PCCA: variants seen among roughly 807,000 people sequenced by gnomAD.
PCCA encodes the protein propionyl-CoA carboxylase subunit alpha.
A neutral mutation model predicts 101.3 loss-of-function variants in PCCA; 74 were observed. That is an observed-to-expected ratio of 0.73 (90% CI 0.61 to 0.89). The LOEUF is 0.89. Ranked by LOEUF, PCCA falls within the 40% of genes least tolerant of loss-of-function variation. PCCA has a pLI of 0.00. For missense variants in PCCA, 891 were observed against 907.0 expected, an observed-to-expected ratio of 0.98 and a Z score of 0.23; for synonymous variants, 294 against 313.6, an observed-to-expected ratio of 0.94 and a Z score of 0.66.
At chr13:100,243,800 A>G (rs1268570635) in intron 8 of PCCA, among the ~76,000 whole-genome samples, 1 of 152,162 alleles carries the variant, frequency 6.6e-6, no homozygotes, top group East Asian at 1.9e-4. Flanking sequence ...TGTGGGGGCT[A>G]TATGGTAGTC....
At chr13:100,316,658 G>C (rs531981286) in intron 16 of PCCA, among the ~76,000 whole-genome samples, 162 of 152,156 alleles carry the variant, frequency 1.1e-3, no homozygotes, top group African/African-American at 3.4e-3. Context: ...ACAGAGTTTG[G>C]TTCCACCTAT....
At chr13:100,433,810 G>A (rs1006102206) in intron 20 of PCCA, among the ~76,000 whole-genome samples, 3 of 152,176 alleles carry the variant, frequency 2.0e-5, no homozygotes, top group Admixed American at 6.5e-5. Context: ...TCATAAGGGT[G>A]TCCATGGCAG....
At chr13:100,158,468 A>G (rs1239199239) in intron 6 of PCCA, among the ~76,000 whole-genome samples, 3 of 152,188 alleles carry the variant, frequency 2.0e-5, no homozygotes, top group African/African-American at 7.2e-5. Flanking sequence ...AGGCCTAAAG[A>G]GATATCCTGA....
At chr13:100,203,862 G>T (rs555538980) in intron 6 of PCCA, among the ~76,000 whole-genome samples, 22 of 152,216 alleles carry the variant, frequency 1.4e-4, no homozygotes, top group South Asian at 4.2e-4. Flanking sequence ...TTTATTCTGA[G>T]GTCTTGAAAA....
chr13:100,422,757 G>C (rs2078911316), intron 19 of PCCA, among the ~76,000 whole-genome samples: 1 of 151,842 alleles, frequency 6.6e-6, no homozygotes, highest in Non-Finnish European at 1.5e-5. Context: ...TCTCAATAAT[G>C]TTATTTTTCT....
intron 4 of PCCA, chr13:100,149,062 G>C (rs1206033453): frequency 6.7e-6 from 1 of 150,196 alleles, no homozygotes; most frequent in Non-Finnish European, 1.5e-5. Context: ...CAGAATGTTA[G>C]TTTTTTAAAA....
At chr13:100,431,232 C>G (rs970725540) in intron 20 of PCCA, among the ~76,000 whole-genome samples, 1 of 152,122 alleles carries the variant, frequency 6.6e-6, no homozygotes, top group Non-Finnish European at 1.5e-5. Flanking sequence ...TATTGGCTCT[C>G]TTGTTTTCTC....
chr13:100,288,761 T>C (rs2064895888), intron 12 of PCCA, among the ~76,000 whole-genome samples: 1 of 152,208 alleles, frequency 6.6e-6, no homozygotes, highest in African/African-American at 2.4e-5. Context: ...GTTTGGTTCT[T>C]TCTGTCTCTC....
chr13:100,460,055 C>T (rs1307678037), intron 21 of PCCA, among the ~76,000 whole-genome samples: 1 of 152,176 alleles, frequency 6.6e-6, no homozygotes, highest in East Asian at 1.9e-4. Flanking sequence ...ACGTTCAGTC[C>T]CTAACATACA....
Position 100,394,148 on chromosome 13 carries a change from G to A in PCCA, c.1746+25574G>A, listed in dbSNP as rs111648719. ...AATGTGTGAGGCGGTTTGAGATGCA[G>A]CTTCTCAGATGGATTTAATTAGTCC... On this transcript the variant is annotated intron_variant, in intron 19 of 23. Transcript: ENST00000376285. This position sits in a 1 kb window ranked among gnomAD's most constrained non-coding sequence, Gnocchi z 4.3. Among the ~76,000 whole-genome samples, 676 of 152,314 alleles carry A rather than the reference G, an allele frequency of 4.4e-3. 7 individuals are homozygous for A. Among genetic ancestry groups the A allele is most frequent in the African/African-American group, 0.015 (634 of 41,568 alleles).
chr13:100,123,570 A>G (rs2049646322), intron 4 of PCCA, among the ~76,000 whole-genome samples: 1 of 152,094 alleles, frequency 6.6e-6, no homozygotes, highest in Non-Finnish European at 1.5e-5. Context: ...GTATAGGGAA[A>G]CCGATTTTTA....
chr13:100,226,451 C>A lies in PCCA; in HGVS notation c.601-9391C>A, dbSNP rs866182184. 1.3e-5 allele frequency among the ~76,000 whole-genome samples: 2 copies of A among 152,134 alleles called. 1 individual carries two copies. Among genetic ancestry groups the A allele is most frequent in the South Asian group, 4.1e-4 (2 of 4,830 alleles). On this transcript the variant is annotated intron_variant, in intron 7 of 23. Coordinates refer to ENST00000376285, the MANE Select transcript of PCCA (RefSeq NM_000282.4). Reference sequence around the variant, plus strand: ...TAGCAAGTGAGAAGGATGTCTGAATCATGAATGGTGGTCGGCGTTGACACT... The same window carrying A: ...TAGCAAGTGAGAAGGATGTCTGAATAATGAATGGTGGTCGGCGTTGACACT...
intron 18 of PCCA, among the ~76,000 whole-genome samples, chr13:100,367,428 A>C (rs1481493966): frequency 5.3e-5 from 8 of 151,922 alleles, no homozygotes. Context: ...GTGCCCCACA[A>C]TTTAGAGCCA....
chr13:100,220,620 A>C (rs1359963271), intron 7 of PCCA, among the ~76,000 whole-genome samples: 1 of 152,050 alleles, frequency 6.6e-6, no homozygotes, highest in East Asian at 1.9e-4. Flanking sequence ...TTGGGGTCTG[A>C]AGTCACTCTC....
intron 19 of PCCA, among the ~76,000 whole-genome samples, chr13:100,420,593 A>G (rs2078679992): frequency 6.6e-6 from 1 of 152,146 alleles, no homozygotes; most frequent in South Asian, 2.1e-4. Flanking sequence ...AAACAAAGAC[A>G]TTAACCATCT....
At position 100,384,509 on chromosome 13, in the gene PCCA, C is replaced by T. The variant is rs545119802; in HGVS notation, c.1746+15935C>T. Among the ~76,000 whole-genome samples the T allele has an allele frequency of 5.3e-5, 8 of 152,204 alleles. No individual in the cohort carries two copies. The South Asian group carries it at 1.7e-3, about 32-fold the overall frequency. The stretch of plus-strand genomic sequence containing the variant: ...ATTAAGAATTTATACATGCATTTTA[C>T]ATCATAATCTCTTTTATTCTATGAA... On this transcript the variant is annotated intron_variant, in intron 19 of 23. Coordinates refer to ENST00000376285, the MANE Select transcript of PCCA (RefSeq NM_000282.4).
intron 21 of PCCA, chr13:100,473,114 T>G (rs1191621978): frequency 6.6e-6 from 1 of 152,180 alleles, no homozygotes; most frequent in African/African-American, 2.4e-5. Context: ...TTAGTCACCT[T>G]AATTTCAAAC....
At chr13:100,327,567 T>G (rs2068834093) in intron 16 of PCCA, among the ~76,000 whole-genome samples, 2 of 152,254 alleles carry the variant, frequency 1.3e-5, no homozygotes, top group Admixed American at 6.5e-5. Flanking sequence ...ACATATGTTT[T>G]TATTTAACTT....
At chr13:100,389,471 C>T (rs1245594945) in intron 19 of PCCA, among the ~76,000 whole-genome samples, 8 of 152,162 alleles carry the variant, frequency 5.3e-5, no homozygotes, top group Admixed American at 2.6e-4. Flanking sequence ...GAACAACACA[C>T]TGGCGCCTAC....
Sources: allele counts gnomAD v4.1 joint callset (sites outside exome capture counted in the v4.1 genomes callset), GRCh38; gene constraint gnomAD v4.1.1; non-coding constraint Gnocchi (gnomAD v3.1); transcripts MANE v1.5; gene names NCBI Gene and HGNC (gene_info 2026-07-23, HGNC 2026-07-21).